SLC25A47: variants seen among roughly 807,000 people sequenced by gnomAD.
SLC25A47 encodes the protein HCC-down-regulated mitochondrial carrier protein.
In SLC25A47, 30 loss-of-function variants were observed where a neutral mutation model predicts 29.8. The ratio of observed to expected loss-of-function variants is 1.01; its 90% confidence interval spans 0.75 to 1.36. SLC25A47 has a LOEUF of 1.36. SLC25A47 is among the 40% of genes most tolerant of loss of function. The probability of loss-of-function intolerance (pLI) is 0.00; values close to 1 mark genes in which losing one functional copy is unlikely to be tolerated. For synonymous variants in SLC25A47, 204 were observed against 197.8 expected (o/e 1.03, Z -0.26); for missense variants, 430 against 441.9 (o/e 0.97, Z 0.24).
chr14:100,326,506 C>T (rs756757667), intron 3 of SLC25A47, among the ~76,000 whole-genome samples: 10 of 152,226 alleles, frequency 6.6e-5, no homozygotes, highest in Non-Finnish European at 1.2e-4. Context: ...CACTGCATTT[C>T]TGTCTCCTCC....
At position 100,329,390 on chromosome 14, in the gene SLC25A47, G is replaced by T; in HGVS notation, c.672G>T (p.Gly224=). 6.2e-7 allele frequency: 1 copy of T among 1,608,446 alleles called. No individual in the cohort carries two copies. The highest frequency in any genetic ancestry group is 8.5e-7 in the Non-Finnish European group (1 of 1,177,472). Residue 224 remains glycine, a synonymous_variant, in exon 6 of 6, where the codon GGG becomes GGT. Transcript: ENST00000361529. ...ATGTCCCGGGCGTGCTGGTGGCCGG[G>T]GGCTGTGCAGGAGTCCTGGCCTGGG... ...RPDVPGVLVA[G]GCAGVLAWAV...
intron 1 of SLC25A47, among the ~76,000 whole-genome samples, chr14:100,323,809 G>A (rs1393286161): frequency 1.3e-5 from 2 of 152,092 alleles, no homozygotes; most frequent in Non-Finnish European, 2.9e-5. Flanking sequence ...GATCGAGAGG[G>A]TGGGGAGATG....
At chr14:100,325,998 C>T in intron 2 of SLC25A47, 159 bp from the exon 3 acceptor site, 1 of 963,582 alleles carries the variant, frequency 1.0e-6, no homozygotes, top group Non-Finnish European at 1.6e-6. Flanking sequence ...CACCCCTGTG[C>T]CCCAGGTTTC....
At chr14:100,325,965 G>A in intron 2 of SLC25A47, 134 bp downstream of exon 2, 2 of 1,085,882 alleles carry the variant, frequency 1.8e-6, no homozygotes, top group East Asian at 2.6e-5. Flanking sequence ...ATAGCCCCTG[G>A]GACTATGTCA....
In SLC25A47 at chr14:100,329,956, C is replaced by G. The variant is rs954163269; in HGVS notation, c.*311C>G. 4.8e-6 allele frequency: 2 copies of G among 415,328 alleles called. No individual in the cohort carries two copies. The highest frequency in any genetic ancestry group is 4.0e-5 in the African/African-American group (2 of 49,874). The allele number at this position is 415,328 out of a possible 1,614,324, so 25.7% of individuals were successfully genotyped here. A position where few individuals can be genotyped will look rare whatever the true frequency, so the allele number is the denominator to read the frequency against. On this transcript the variant is annotated 3_prime_UTR_variant, in exon 6 of 6. Transcript: ENST00000361529. The stretch of plus-strand genomic sequence containing the variant: ...TGTTCATCCCAGCCTCCCCATGGCC[C>G]TCGCCTCCCATGTCTTTGAAGCACC...
Position 100,328,836 on chromosome 14 carries a change from C to A in SLC25A47, c.438C>A (p.Pro146=). The stretch of plus-strand genomic sequence containing the variant: ...CCTCGGGGCCGTTGGCTGTGCCCCC[C>A]ATGTGTCCTGTGCCCCCAGCCTGCC... ...LSASGPLAVP[P]MCPVPPACPE... Residue 146 remains proline, a synonymous_variant, in exon 5 of 6, where the codon CCC becomes CCA. Transcript: ENST00000361529. 4.3e-6 allele frequency: 7 copies of A among 1,612,508 alleles called. No homozygotes were observed. Among genetic ancestry groups the A allele is most frequent in the Non-Finnish European group, 5.9e-6 (7 of 1,179,694 alleles).
intron 1 of SLC25A47, among the ~76,000 whole-genome samples, 198 bp from the exon 2 acceptor site, chr14:100,325,590 C>T (rs1173421509): frequency 6.6e-6 from 1 of 152,210 alleles, no homozygotes; most frequent in African/African-American, 2.4e-5. Context: ...AGAAGACACT[C>T]GGAGGCTCAA....
intron 5 of SLC25A47, 48 bp downstream of exon 5, chr14:100,329,092 G>A: frequency 6.3e-7 from 1 of 1,578,034 alleles, no homozygotes; most frequent in East Asian, 2.2e-5. Flanking sequence ...AGAAGGATGA[G>A]GAGGTCAAGG....
In SLC25A47 at chr14:100,329,058, G is replaced by T. The variant is rs1466143663; in HGVS notation, c.646+14G>T. 6.3e-7 allele frequency: 1 copy of T among 1,596,104 alleles called. No homozygotes were observed. The highest frequency in any genetic ancestry group is 1.1e-5 in the South Asian group (1 of 90,832). ...ACAGCCGGCCAGGTGAGCAGGGGCT[G>T]GAACCTGGCAGGGCGGGGAGCCCAG... On this transcript the variant is annotated intron_variant, in intron 5 of 5. Transcript: ENST00000361529.
At chr14:100,327,101 G>C in intron 3 of SLC25A47, 87 bp from the exon 4 acceptor site, 1 of 1,314,326 alleles carries the variant, frequency 7.6e-7, no homozygotes, top group Non-Finnish European at 1.0e-6. Context: ...TCCGACAGCG[G>C]AGTGCGGAGC....
intron 4 of SLC25A47, among the ~76,000 whole-genome samples, 174 bp downstream of exon 4, chr14:100,327,544 A>G (rs193149773): frequency 6.6e-6 from 1 of 152,090 alleles, no homozygotes; most frequent in East Asian, 1.9e-4. Flanking sequence ...TGGGCCTGGA[A>G]CCCCTCAGCA....
At chr14:100,325,644 C>A in intron 1 of SLC25A47, 144 bp from the exon 2 acceptor site, 1 of 734,816 alleles carries the variant, frequency 1.4e-6, no homozygotes, top group East Asian at 2.7e-5. Flanking sequence ...ATTGATGAGA[C>A]CTGGTGCAGA....
chr14:100,328,692 A>C, intron 4 of SLC25A47, 34 bp from the exon 5 acceptor site: 2 of 1,604,180 alleles, frequency 1.2e-6, no homozygotes, highest in East Asian at 2.2e-5. Flanking sequence ...GCAGAGCCAC[A>C]GGTGGCTGAC....
At chr14:100,328,666 C>T in intron 4 of SLC25A47, 60 bp from the exon 5 acceptor site, 1 of 1,544,268 alleles carries the variant, frequency 6.5e-7, no homozygotes, top group Non-Finnish European at 8.9e-7. Context: ...GGTGGGAGGC[C>T]AGGTCCAGGC....
At position 100,328,802 on chromosome 14, in the gene SLC25A47, G is replaced by T. The variant is rs35007880; in HGVS notation, c.404G>T (p.Arg135Leu). The T allele has an allele frequency of 0.48, 770,293 of 1,612,664 alleles. 195,270 individuals are homozygous for T. Among genetic ancestry groups the T allele is most frequent in the South Asian group, 0.67 (60,824 of 91,080 alleles). The change falls in exon 5 of 6, where the codon CGG becomes CTG. Residue 135 changes from arginine to leucine, a missense_variant. Physicochemically the swap from Arg to Leu is moderately radical, Grantham distance 102. Coordinates refer to ENST00000361529, the MANE Select transcript of SLC25A47 (RefSeq NM_207117.4). The stretch of plus-strand genomic sequence containing the variant: ...ACACAGGCGCAGAAGCAGCAGCGGC[G>T]GCTTTCGGCCTCGGGGCCGTTGGCT... ...TQTQAQKQQRRLSASGPLAVP... is the reference protein window; with the variant it reads ...TQTQAQKQQRLLSASGPLAVP...
rs574817448 is a variant in SLC25A47, at chr14:100,325,790, G to A, written c.31G>A (p.Val11Ile). The change falls in exon 2 of 6, where the codon GTC (valine) becomes ATC (isoleucine). Residue 11 changes from valine (V) to isoleucine (I), a missense_variant and splice_region_variant. Physicochemically the swap from Val to Ile is conservative, Grantham distance 29. Coordinates refer to ENST00000361529, the MANE Select transcript of SLC25A47 (RefSeq NM_207117.4). ...GTGGGCCTCTTCTTTCCTTGCAGGCGTCTGCGGTGTTGCTGTGGGCTACCC... is the reference window on the plus strand; with the variant it reads ...GTGGGCCTCTTCTTTCCTTGCAGGCATCTGCGGTGTTGCTGTGGGCTACCC... MDFVAGAIGG[V>I]CGVAVGYPLD... 29 of 1,612,756 alleles carry A rather than the reference G, an allele frequency of 1.8e-5. No individual in the cohort carries two copies. The highest frequency in any genetic ancestry group is 2.2e-5 in the East Asian group (1 of 44,824).
At chr14:100,325,490 G>C (rs754782050) in intron 1 of SLC25A47, among the ~76,000 whole-genome samples, 1 of 152,228 alleles carries the variant, frequency 6.6e-6, no homozygotes, top group Non-Finnish European at 1.5e-5. Context: ...GGGGAGGCCG[G>C]GGCATGTCGG....
rs1293968692 is a variant in SLC25A47, at chr14:100,327,190, G to A, written c.147G>A (p.Val49=). 1 of 1,603,194 alleles carries A rather than the reference G, an allele frequency of 6.2e-7. No homozygotes were observed. The highest frequency in any genetic ancestry group is 1.3e-5 in the African/African-American group (1 of 74,854). The change falls in exon 4 of 6, where the codon GTG becomes GTA. Residue 49 remains valine, a splice_region_variant and synonymous_variant. Transcript: ENST00000361529. ...CVRDTYHRER[V]WGFYRGLSLP... Reference sequence around the variant, plus strand: ...CTGACCTGGATCCTGTCTGCTAGGTGTGGGGCTTCTACCGGGGCCTCTCGC... The same window carrying A: ...CTGACCTGGATCCTGTCTGCTAGGTATGGGGCTTCTACCGGGGCCTCTCGC...
In SLC25A47 at chr14:100,327,273, G is replaced by T; in HGVS notation, c.230G>T (p.Cys77Phe). 1 of 1,607,488 alleles carries T rather than the reference G, an allele frequency of 6.2e-7. No individual in the cohort carries two copies. Residue 77 changes from cysteine (C) to phenylalanine (F), a missense_variant, in exon 4 of 6, where the codon TGC (cysteine) becomes TTC (phenylalanine). Transcript: ENST00000361529. Reference protein sequence around the residue: ...SSVSFGTYRHCLAHICRLRYG... With the variant: ...SSVSFGTYRHFLAHICRLRYG... ...GTGTCTTTTGGCACCTACCGCCACT[G>T]CCTGGCGCACATCTGCCGGCTCCGG...
Sources: gnomAD v4.1 joint callset for allele counts (sites outside exome capture counted in the v4.1 genomes callset) on GRCh38, gnomAD v4.1.1 for gene constraint, MANE v1.5 for transcripts, NCBI Gene and HGNC (gene_info 2026-07-23, HGNC 2026-07-21) for gene names.